SGCD: variants seen among roughly 807,000 people sequenced by gnomAD.
SGCD encodes sarcoglycan delta.
In SGCD, 18 loss-of-function variants were observed where a neutral mutation model predicts 36.6. The ratio of observed to expected loss-of-function variants is 0.49; its 90% confidence interval spans 0.34 to 0.73. The LOEUF is 0.73. SGCD is among the 30% of genes least tolerant of loss of function. SGCD has a pLI of 0.01. For missense variants in SGCD, 387 were observed against 346.7 expected (o/e 1.12, Z -0.92); for synonymous variants, 133 against 130.6 (o/e 1.02, Z -0.12).
At chr5:156,004,696 G>T (rs1279303219) in intron 1 of SGCD, among the ~76,000 whole-genome samples, 1 of 152,168 alleles carries the variant, frequency 6.6e-6, no homozygotes, top group African/African-American at 2.4e-5. Context: ...CTTTCATATT[G>T]TTCTGTCATG....
chr5:156,135,442 G>T (rs1762433747), intron 3 of SGCD, among the ~76,000 whole-genome samples: 1 of 152,114 alleles, frequency 6.6e-6, no homozygotes, highest in African/African-American at 2.4e-5. Context: ...CTTCCCTGTA[G>T]CCTTACAGAC....
At chr5:156,174,963 T>C (rs1331884142) in intron 3 of SGCD, among the ~76,000 whole-genome samples, 2 of 152,048 alleles carry the variant, frequency 1.3e-5, no homozygotes, top group Non-Finnish European at 2.9e-5. Context: ...GGGAATAGGA[T>C]TTTAAAAAAA....
At chr5:156,159,938 A>G (rs1763052171) in intron 3 of SGCD, among the ~76,000 whole-genome samples, 2 of 151,626 alleles carry the variant, frequency 1.3e-5, no homozygotes, top group South Asian at 2.1e-4. Context: ...AGAAAAGCTG[A>G]CATATTTTTC....
At chr5:156,302,575 G>A (rs1459301037) in intron 3 of SGCD, among the ~76,000 whole-genome samples, 1 of 152,052 alleles carries the variant, frequency 6.6e-6, no homozygotes, top group Non-Finnish European at 1.5e-5. Flanking sequence ...GTTGCTTGTG[G>A]ATGTTTGTTG....
intron 3 of SGCD, among the ~76,000 whole-genome samples, chr5:156,465,881 A>G (rs554160483): frequency 1.3e-5 from 2 of 152,218 alleles, no homozygotes; most frequent in African/African-American, 2.4e-5. Flanking sequence ...AGCACTTTCT[A>G]CTAGGCTAGC....
rs147504720 is a variant in SGCD at position 156,424,435 on chromosome 5, T to C, written c.192+79758T>C. ...TCCTCGTTCATAAACCCTTCAGATA[T>C]GTGTGAGGATGTATTTGGGATATGC... On this transcript the variant is annotated intron_variant, in intron 3 of 8. Transcript: ENST00000337851. 2.8e-3 allele frequency among the ~76,000 whole-genome samples: 426 copies of C among 152,160 alleles called. 2 individuals are homozygous for C. Among genetic ancestry groups the C allele is most frequent in the African/African-American group, 9.6e-3 (397 of 41,524 alleles).
At chr5:156,396,565 A>G (rs1771860909) in intron 3 of SGCD, among the ~76,000 whole-genome samples, 1 of 152,100 alleles carries the variant, frequency 6.6e-6, no homozygotes. Context: ...TGCCAACAGT[A>G]TTGATTGGTT....
chr5:155,885,348 A>G (rs1189388537), intron 1 of SGCD, among the ~76,000 whole-genome samples: 1 of 116,540 alleles, frequency 8.6e-6, no homozygotes. Context: ...AAAAATATCA[A>G]GTGTTACCAA....
intron 6 of SGCD, among the ~76,000 whole-genome samples, chr5:156,598,314 C>T (rs1418505676): frequency 6.6e-6 from 1 of 152,112 alleles, no homozygotes; most frequent in Non-Finnish European, 1.5e-5. Context: ...GAGCCCAGTG[C>T]AGGTGGATCA....
In SGCD at chr5:156,647,537, G is replaced by A. The variant is rs747907940; in HGVS notation, c.575+1G>A. Reference sequence around the variant, plus strand: ...GGGCAGACCCCTTCAAAGAACTAAGGTAAACTTCTGACTTTGGTTTGCATT... The same window carrying A: ...GGGCAGACCCCTTCAAAGAACTAAGATAAACTTCTGACTTTGGTTTGCATT... On this transcript the variant is annotated splice_donor_variant, in intron 7 of 8. Coordinates refer to ENST00000337851, the MANE Select transcript of SGCD (RefSeq NM_000337.6). LOFTEE classifies it high-confidence loss of function. 6.4e-7 allele frequency: 1 copy of A among 1,566,042 alleles called. No individual in the cohort carries two copies. The highest frequency in any genetic ancestry group is 1.2e-5 in the South Asian group (1 of 85,486).
intron 1 of SGCD, among the ~76,000 whole-genome samples, chr5:156,024,086 T>C (rs1445564264): frequency 1.3e-5 from 2 of 152,176 alleles, no homozygotes; most frequent in African/African-American, 4.8e-5. Context: ...CTGCAGATTC[T>C]GGAGTTCCAA....
At chr5:156,299,070 G>T (rs973433239) in intron 3 of SGCD, among the ~76,000 whole-genome samples, 2 of 152,136 alleles carry the variant, frequency 1.3e-5, no homozygotes, top group Non-Finnish European at 1.5e-5. Context: ...TTCATAGTTT[G>T]AGGCCTTAAA....
chr5:156,613,244 G>A (rs1761896177), intron 6 of SGCD, among the ~76,000 whole-genome samples: 1 of 152,188 alleles, frequency 6.6e-6, no homozygotes, highest in Non-Finnish European at 1.5e-5. Flanking sequence ...CAGCCATCTT[G>A]CTGTTTCATT....
chr5:156,679,129 G>A (rs906568859), intron 7 of SGCD, among the ~76,000 whole-genome samples: 2 of 152,116 alleles, frequency 1.3e-5, no homozygotes, highest in African/African-American at 4.8e-5. Context: ...ATCCTCTCCT[G>A]TAATATTTAC....
intron 3 of SGCD, among the ~76,000 whole-genome samples, chr5:156,308,074 T>C (rs1452471758): frequency 1.3e-5 from 2 of 152,218 alleles, no homozygotes; most frequent in African/African-American, 4.8e-5. Flanking sequence ...TTTACCTTTA[T>C]TAAGAACTTT....
chr5:156,137,998 G>A (rs1174153209), intron 3 of SGCD, among the ~76,000 whole-genome samples: 1 of 152,062 alleles, frequency 6.6e-6, no homozygotes, highest in African/African-American at 2.4e-5. Flanking sequence ...TACACTCATG[G>A]AACCCCTGCC....
At chr5:156,135,285 G>A (rs914619252) in intron 3 of SGCD, among the ~76,000 whole-genome samples, 1 of 151,844 alleles carries the variant, frequency 6.6e-6, no homozygotes, top group East Asian at 1.9e-4. Flanking sequence ...TATATGTCTT[G>A]TATTCATATT....
intron 3 of SGCD, among the ~76,000 whole-genome samples, chr5:156,433,492 G>A (rs1753114087): frequency 6.6e-6 from 1 of 152,132 alleles, no homozygotes; most frequent in African/African-American, 2.4e-5. Flanking sequence ...GCACTTGGTT[G>A]GTGAGCATTA....
intron 4 of SGCD, among the ~76,000 whole-genome samples, chr5:156,586,099 A>G (rs1760482782): frequency 1.3e-5 from 2 of 151,542 alleles, no homozygotes; most frequent in African/African-American, 4.9e-5. Context: ...TTTTCTGTCC[A>G]AGGATTGTAT....
Sources: allele counts gnomAD v4.1 joint callset (sites outside exome capture counted in the v4.1 genomes callset), GRCh38; gene constraint gnomAD v4.1.1; transcripts MANE v1.5; gene names NCBI Gene and HGNC (gene_info 2026-07-23, HGNC 2026-07-21).